The following TMEM232 variants were observed in gnomAD, a reference collection of about 807,000 sequenced individuals.
TMEM232 encodes the protein transmembrane protein 232.
Under a neutral mutation model 78.8 loss-of-function variants are expected in TMEM232, and 80 were observed. That is an observed-to-expected ratio of 1.01 (90% confidence interval 0.85 to 1.22). The LOEUF is 1.22. Among genes scored for constraint, TMEM232 ranks in the 50% most tolerant of loss-of-function variants. The pLI, the probability that TMEM232 is intolerant of heterozygous loss-of-function variation, is 0.00. For synonymous variants in TMEM232, 297 were observed against 254.3 expected (o/e 1.17, Z -1.60); for missense variants, 881 against 742.2 (o/e 1.19, Z -2.17).
chr5:110,475,956 G>C (rs540437793), intron 12 of TMEM232, among the ~76,000 whole-genome samples: 1 of 151,968 alleles, frequency 6.6e-6, no homozygotes, highest in South Asian at 2.1e-4. Flanking sequence ...TGGGACAAAA[G>C]AATAAAATTG....
intron 10 of TMEM232, among the ~76,000 whole-genome samples, chr5:110,569,434 T>C (rs955105229): frequency 6.6e-6 from 1 of 151,866 alleles, no homozygotes; most frequent in Non-Finnish European, 1.5e-5. Context: ...AATAAAATAA[T>C]ACAGTTATCA....
chr5:110,599,416 C>T lies in TMEM232; in HGVS notation c.1276+5693G>A, dbSNP rs1413253390. ...TCAAGATCCATCAGTGTGCTGTATT[C>T]ACGAGACCCATCTCACATGCAAAGA... On this transcript the variant is annotated intron_variant, in intron 10 of 13. Coordinates refer to ENST00000455884, the MANE Select transcript of TMEM232 (RefSeq NM_001039763.4). Among the ~76,000 whole-genome samples the T allele has an allele frequency of 2.0e-5, 3 of 152,128 alleles. No homozygotes were observed. The East Asian group carries it at 5.8e-4, about 29-fold the overall frequency.
At chr5:110,427,362 T>C (rs1292462158) in intron 12 of TMEM232, among the ~76,000 whole-genome samples, 1 of 152,004 alleles carries the variant, frequency 6.6e-6, no homozygotes, top group East Asian at 1.9e-4. Flanking sequence ...CTTTATCATA[T>C]TCATTGTCAA....
chr5:110,644,458 T>C (rs1303534964), intron 2 of TMEM232, among the ~76,000 whole-genome samples: 1 of 151,862 alleles, frequency 6.6e-6, no homozygotes, highest in African/African-American at 2.4e-5. Context: ...AAAAAGTTAA[T>C]AGATTGCTTC....
At chr5:110,728,944 G>T (rs1400433680), upstream of TMEM232, among the ~76,000 whole-genome samples, 1 of 151,350 alleles carries the variant, frequency 6.6e-6, no homozygotes, top group African/African-American at 2.4e-5. Context: ...GAGTGCAATG[G>T]AGCGATCTCA....
chr5:110,520,211 T>C (rs1243518476), intron 12 of TMEM232, among the ~76,000 whole-genome samples: 1 of 152,008 alleles, frequency 6.6e-6, no homozygotes, highest in Non-Finnish European at 1.5e-5. Flanking sequence ...GAGTGACAGA[T>C]ACTCTAATTA....
At chr5:110,644,501 G>C (rs1017522655) in intron 2 of TMEM232, among the ~76,000 whole-genome samples, 1 of 151,746 alleles carries the variant, frequency 6.6e-6, no homozygotes, top group Non-Finnish European at 1.5e-5. Flanking sequence ...GAACTGTCAA[G>C]ATTAACAGCC....
At chr5:110,596,199 A>C (rs186524505) in intron 10 of TMEM232, among the ~76,000 whole-genome samples, 25 of 152,352 alleles carry the variant, frequency 1.6e-4, no homozygotes, top group Non-Finnish European at 3.1e-4. Flanking sequence ...CCGATCCCAC[A>C]GAAATACAAA....
chr5:110,516,715 GA>G (rs33912771), intron 12 of TMEM232, among the ~76,000 whole-genome samples: 22,430 of 151,894 alleles, frequency 0.15, 2,036 homozygotes, highest in African/African-American at 0.25. Context: ...ATTTTCTTCT[GA>G]AAAATTACAT....
intron 11 of TMEM232, among the ~76,000 whole-genome samples, chr5:110,555,593 G>A (rs1774982187): frequency 6.6e-6 from 1 of 152,072 alleles, no homozygotes; most frequent in Non-Finnish European, 1.5e-5. Flanking sequence ...TCTGTCAGTG[G>A]AGTGTTGAAG....
chr5:110,445,159 A>C (rs1191704905), intron 12 of TMEM232, among the ~76,000 whole-genome samples: 2 of 151,724 alleles, frequency 1.3e-5, no homozygotes, highest in East Asian at 3.9e-4. Flanking sequence ...ACTGTTTCAA[A>C]ATTTTCTGAT....
chr5:110,726,294 C>A (rs1236212750), intron 1 of TMEM232, among the ~76,000 whole-genome samples: 1 of 152,090 alleles, frequency 6.6e-6, no homozygotes, highest in East Asian at 1.9e-4. Context: ...CCAGGATAAG[C>A]GAGTCCAGGG....
chr5:110,652,820 C>A (rs1187706613), intron 2 of TMEM232, among the ~76,000 whole-genome samples: 1 of 152,174 alleles, frequency 6.6e-6, no homozygotes, highest in African/African-American at 2.4e-5. Flanking sequence ...ATTCCAATTT[C>A]TCTGAAATAT....
In TMEM232 at chr5:110,391,326, T is replaced by TGTGTGTGA. The variant is rs549361387; in HGVS notation, n.391-687_391-686insTCACACAC. On this transcript the variant is annotated intron_variant and non_coding_transcript_variant, in intron 3 of 8. Transcript: ENST00000507188. ...GTGTGTGTGTGTGTGTGTGTGTGTG[T>TGTGTGTGA]GAGAGAGAGAGAGAGAGAGAGAAAC... Among the ~76,000 whole-genome samples the TGTGTGTGA allele has an allele frequency of 4.1e-4, 57 of 139,912 alleles. 1 individual carries two copies. The highest frequency in any genetic ancestry group is 1.5e-3 in the East Asian group (7 of 4,620). The allele number at this position is 139,912 out of a possible 152,430, so 91.8% of individuals were successfully genotyped here.
chr5:110,689,869 A>G (rs1793885918), intron 1 of TMEM232, among the ~76,000 whole-genome samples: 1 of 152,214 alleles, frequency 6.6e-6, no homozygotes, highest in South Asian at 2.1e-4. Flanking sequence ...AAACCTGACA[A>G]AAACAAACAA....
At chr5:110,725,897 C>T (rs1396631279) in intron 1 of TMEM232, 1 of 149,670 alleles carries the variant, frequency 6.7e-6, no homozygotes, top group African/African-American at 2.4e-5. Flanking sequence ...AAGATTTAGA[C>T]TCTAACCTGA....
At chr5:110,732,502 AG>A (rs2150380959) in intron 2 of TMEM232, among the ~76,000 whole-genome samples, 1 of 152,312 alleles carries the variant, frequency 6.6e-6, no homozygotes, top group Non-Finnish European at 1.5e-5. Flanking sequence ...AGGAGGTGAA[AG>A]GCACTTCTTA....
chr5:110,581,268 A>G (rs1444973743), intron 10 of TMEM232, among the ~76,000 whole-genome samples: 1 of 152,076 alleles, frequency 6.6e-6, no homozygotes, highest in Non-Finnish European at 1.5e-5. Context: ...TTCAAGCTAT[A>G]CAACAAGGCT....
chr5:110,468,299 TG>T (rs1278732710), intron 12 of TMEM232, among the ~76,000 whole-genome samples: 1 of 148,038 alleles, frequency 6.8e-6, no homozygotes, highest in East Asian at 1.9e-4. Flanking sequence ...CATAAAATAA[TG>T]TTTTTTTAAC....
Sources: gnomAD v4.1 joint callset for allele counts (sites outside exome capture counted in the v4.1 genomes callset) on GRCh38, gnomAD v4.1.1 for gene constraint, MANE v1.5 for transcripts, NCBI Gene and HGNC (gene_info 2026-07-23, HGNC 2026-07-21) for gene names.